PCDH15: variants seen among roughly 807,000 people sequenced by gnomAD.
The protein encoded by PCDH15 is protocadherin-15.
A neutral mutation model predicts 178.5 loss-of-function variants in PCDH15; 129 were observed. The observed-to-expected ratio is 0.72, with a 90% CI of 0.63 to 0.84. The LOEUF (loss-of-function observed/expected upper bound fraction) is 0.84, where lower values mean the gene tolerates loss of function less well. PCDH15 is among the 40% of genes least tolerant of loss of function. The probability of loss-of-function intolerance (pLI) is 0.00; values close to 1 mark genes in which losing one functional copy is unlikely to be tolerated. For synonymous variants in PCDH15, 800 were observed against 732.0 expected, an observed-to-expected ratio of 1.09 and a Z score of -1.50; for missense variants, 2,230 against 2,099.9, an observed-to-expected ratio of 1.06 and a Z score of -1.21.
rs183837701 is a variant in PCDH15 at position 54,299,783 on chromosome 10, G to T, written c.876+17488C>A. Among the ~76,000 whole-genome samples the T allele has an allele frequency of 1.7e-3, 253 of 152,278 alleles. 1 individual carries two copies. The highest frequency in any genetic ancestry group is 5.9e-3 in the African/African-American group (246 of 41,566). Reference sequence around the variant, plus strand: ...AGTTAGGAAAATTTCCCAGTGATTGGTCTGCTCAAACGTGCGAGTTGTTTG... The same window carrying T: ...AGTTAGGAAAATTTCCCAGTGATTGTTCTGCTCAAACGTGCGAGTTGTTTG... On this transcript the variant is annotated intron_variant, in intron 8 of 37. Coordinates refer to ENST00000644397, the MANE Select transcript of PCDH15 (RefSeq NM_001384140.1).
chr10:54,160,332 A>G (rs1393571261), intron 13 of PCDH15, among the ~76,000 whole-genome samples: 22 of 152,190 alleles, frequency 1.4e-4, no homozygotes, highest in Non-Finnish European at 2.9e-5. Context: ...AATAGAAACC[A>G]TGGAAAGCAA....
At chr10:54,480,987 A>G (rs1159309726) in intron 3 of PCDH15, among the ~76,000 whole-genome samples, 1 of 151,920 alleles carries the variant, frequency 6.6e-6, no homozygotes, top group Non-Finnish European at 1.5e-5. Flanking sequence ...TGATGTTTGG[A>G]GACTAACATT....
At chr10:53,990,540 A>T (rs1195488015) in intron 21 of PCDH15, among the ~76,000 whole-genome samples, 1 of 138,598 alleles carries the variant, frequency 7.2e-6, no homozygotes, top group Non-Finnish European at 1.6e-5. Context: ...TATATGTTTT[A>T]TATATGTTAT....
chr10:55,016,971 C>CAA (rs1840197259), intron 2 of PCDH15, among the ~76,000 whole-genome samples: 1 of 151,740 alleles, frequency 6.6e-6, no homozygotes, highest in Admixed American at 6.6e-5. Flanking sequence ...CTCACACACA[C>CAA]ACAGAGGGAG....
At chr10:55,292,165 A>G (rs1843023771) in intron 1 of PCDH15, among the ~76,000 whole-genome samples, 1 of 152,150 alleles carries the variant, frequency 6.6e-6, no homozygotes, top group Admixed American at 6.5e-5. Context: ...TTCACAGTCC[A>G]AAGTCTCATC....
At chr10:54,976,575 G>A (rs995670208) in intron 2 of PCDH15, among the ~76,000 whole-genome samples, 4 of 152,084 alleles carry the variant, frequency 2.6e-5, no homozygotes, top group African/African-American at 4.8e-5. Context: ...GTTGAGTCAC[G>A]AGTTGTGAGT....
chr10:54,793,738 G>C (rs1341172089), intron 1 of PCDH15, among the ~76,000 whole-genome samples: 1 of 148,014 alleles, frequency 6.8e-6, no homozygotes, highest in Non-Finnish European at 1.5e-5. Context: ...GTATATATAT[G>C]TAAAACTGTG....
chr10:54,003,915 A>G (rs1298517574), intron 20 of PCDH15, among the ~76,000 whole-genome samples: 1 of 152,074 alleles, frequency 6.6e-6, no homozygotes, highest in Non-Finnish European at 1.5e-5. Context: ...AAGAAATTCA[A>G]CATCGTATTT....
At chr10:54,718,106 T>G (rs1408885990) in intron 1 of PCDH15, among the ~76,000 whole-genome samples, 1 of 148,938 alleles carries the variant, frequency 6.7e-6, no homozygotes, top group African/African-American at 2.5e-5. Flanking sequence ...CTCTGGGGAC[T>G]GTTGTGGGGT....
intron 2 of PCDH15, among the ~76,000 whole-genome samples, chr10:55,356,997 T>G (rs1035861248): frequency 6.6e-6 from 1 of 151,902 alleles, no homozygotes; most frequent in Non-Finnish European, 1.5e-5. Flanking sequence ...AGGAAACACA[T>G]AGTGCCCTGT....
chr10:55,557,070 T>C (rs1842104931), intron 2 of PCDH15, among the ~76,000 whole-genome samples: 2 of 152,178 alleles, frequency 1.3e-5, no homozygotes, highest in Non-Finnish European at 2.9e-5. Context: ...ACACATTCTT[T>C]AGCATTCCTG....
intron 20 of PCDH15, among the ~76,000 whole-genome samples, chr10:54,002,888 C>T (rs567389928): frequency 2.6e-5 from 4 of 152,270 alleles, no homozygotes; most frequent in African/African-American, 9.6e-5. Context: ...CCACCACAGC[C>T]AGCAGTGGCA....
At chr10:54,738,866 T>C (rs1944438513) in intron 1 of PCDH15, among the ~76,000 whole-genome samples, 1 of 152,068 alleles carries the variant, frequency 6.6e-6, no homozygotes, top group African/African-American at 2.4e-5. Context: ...TTGGTTATTA[T>C]CTTGATTAAA....
chr10:55,602,178 A>G (rs892387585), intron 2 of PCDH15, among the ~76,000 whole-genome samples: 1 of 152,086 alleles, frequency 6.6e-6, no homozygotes, highest in African/African-American at 2.4e-5. Flanking sequence ...CGCTTTTCCA[A>G]CCGGCGTAAA....
chr10:54,067,158 C>T (rs888087090), intron 17 of PCDH15, among the ~76,000 whole-genome samples: 4 of 152,212 alleles, frequency 2.6e-5, no homozygotes, highest in South Asian at 2.1e-4. Context: ...TGGAGGAAAA[C>T]GGTTTTACCT....
intron 2 of PCDH15, among the ~76,000 whole-genome samples, chr10:55,340,686 C>T (rs999282539): frequency 6.6e-6 from 1 of 151,816 alleles, no homozygotes; most frequent in Non-Finnish European, 1.5e-5. Flanking sequence ...AGAATCTTTT[C>T]TCTCAATATA....
At chr10:54,143,338 A>T (rs186617336) in intron 14 of PCDH15, among the ~76,000 whole-genome samples, 163 of 152,266 alleles carry the variant, frequency 1.1e-3, no homozygotes, top group African/African-American at 3.8e-3. Flanking sequence ...AAATTTCTTT[A>T]TCTACTGTGC....
chr10:55,321,122 A>AGAAAG (rs1231905255), upstream of PCDH15, among the ~76,000 whole-genome samples: 2 of 151,948 alleles, frequency 1.3e-5, no homozygotes, highest in East Asian at 3.9e-4. Flanking sequence ...AGAGAGAAAG[A>AGAAAG]GAAAGGAAAA....
intron 2 of PCDH15, among the ~76,000 whole-genome samples, chr10:54,924,033 T>C (rs575860580): frequency 2.2e-5 from 3 of 135,982 alleles, no homozygotes; most frequent in Middle Eastern, 4.0e-3. Flanking sequence ...AAAAAGAGAG[T>C]GAAATTTAAC....
Sources: gnomAD v4.1 joint callset for allele counts (sites outside exome capture counted in the v4.1 genomes callset) on GRCh38, gnomAD v4.1.1 for gene constraint, MANE v1.5 for transcripts, NCBI Gene and HGNC (gene_info 2026-07-23, HGNC 2026-07-21) for gene names.